The following CD96 variants were observed in gnomAD, a reference collection of about 807,000 sequenced individuals.
CD96 encodes CD96 molecule, also known as T-cell surface protein tactile.
A neutral mutation model predicts 71.3 loss-of-function variants in CD96; 70 were observed. The ratio of observed to expected loss-of-function variants is 0.98; its 90% CI spans 0.81 to 1.20. The LOEUF (loss-of-function observed/expected upper bound fraction) is 1.20. Ranked by LOEUF, CD96 falls within the 50% of genes most tolerant of loss-of-function variation. CD96 has a pLI of 0.00. For synonymous variants in CD96, 248 were observed against 233.0 expected, an observed-to-expected ratio of 1.06 and a Z score of -0.59; for missense variants, 742 against 677.5, an observed-to-expected ratio of 1.10 and a Z score of -1.06.
rs749032274 is a variant in CD96 at position 111,577,478 on chromosome 3, T to G, written c.544-1549T>G. 8 of 1,562,702 alleles carry G rather than the reference T, an allele frequency of 5.1e-6. No individual in the cohort carries two copies. The South Asian group carries it at 8.9e-5, about 17-fold the overall frequency. ...TCTCTGTAATACAGTCTTTCTCCCT[T>G]CTTCTTTTGCTCTTCTTCCTTAGGA... On this transcript the variant is annotated intron_variant, in intron 3 of 13. Coordinates refer to ENST00000352690, the MANE Select transcript of CD96 (RefSeq NM_005816.5).
At chr3:111,609,856 C>A (rs1293797821) in intron 8 of CD96, among the ~76,000 whole-genome samples, 1 of 152,084 alleles carries the variant, frequency 6.6e-6, no homozygotes, top group African/African-American at 2.4e-5. Context: ...GGTAATTTTG[C>A]CACTCCAGAG....
chr3:111,649,597 C>G (rs1939986915), intron 13 of CD96, 101 bp from the exon 14 acceptor site: 1 of 821,302 alleles, frequency 1.2e-6, no homozygotes, highest in East Asian at 2.4e-5. Context: ...TCTTTCTCAT[C>G]AATCTGTGTT....
chr3:111,636,789 T>C (rs1242299339), intron 10 of CD96, among the ~76,000 whole-genome samples: 1 of 152,208 alleles, frequency 6.6e-6, no homozygotes, highest in Admixed American at 6.5e-5. Flanking sequence ...CCCCTATGCA[T>C]GTTCTAGCAA....
chr3:111,585,418 A>G (rs1401676552), intron 5 of CD96, 40 bp downstream of exon 5: 1 of 1,292,760 alleles, frequency 7.7e-7, no homozygotes, highest in Non-Finnish European at 1.1e-6. Flanking sequence ...ACAGTATTAC[A>G]TGTAAGGTGT....
intron 11 of CD96, 142 bp from the exon 12 acceptor site, chr3:111,637,934 TTAA>T: frequency 1.5e-6 from 1 of 676,300 alleles, no homozygotes. Context: ...AAATTGGTTC[TTAA>T]TAAACTTTAC....
chr3:111,628,747 G>A (rs1266019059), intron 10 of CD96, among the ~76,000 whole-genome samples: 4 of 152,118 alleles, frequency 2.6e-5, no homozygotes, highest in Non-Finnish European at 5.9e-5. Context: ...GAAAAAAATG[G>A]TAAGGGCAGG....
chr3:111,552,434 T>C (rs1373425199), intron 2 of CD96, among the ~76,000 whole-genome samples: 2 of 152,160 alleles, frequency 1.3e-5, no homozygotes, highest in Non-Finnish European at 1.5e-5. Context: ...TCTTGGACTT[T>C]CCAGCCTCAA....
intron 14 of CD96, among the ~76,000 whole-genome samples, chr3:111,665,209 G>C (rs1314211450): frequency 6.6e-6 from 1 of 151,986 alleles, no homozygotes; most frequent in African/African-American, 2.4e-5. Context: ...GTGTGTGTGT[G>C]TCTTTTAATA....
intron 2 of CD96, among the ~76,000 whole-genome samples, chr3:111,552,803 T>C (rs1934783904): frequency 2.0e-5 from 3 of 152,148 alleles, no homozygotes; most frequent in Admixed American, 2.0e-4. Flanking sequence ...TAACTGACAA[T>C]ACTGGTACTG....
chr3:111,607,577 C>A (rs554461154), intron 8 of CD96, among the ~76,000 whole-genome samples: 35 of 152,298 alleles, frequency 2.3e-4, no homozygotes, highest in Middle Eastern at 3.4e-3. Context: ...AGAAGTATGG[C>A]TCTCATTTCT....
intron 2 of CD96, among the ~76,000 whole-genome samples, chr3:111,556,805 G>C (rs1935078193): frequency 6.6e-6 from 1 of 151,934 alleles, no homozygotes; most frequent in Non-Finnish European, 1.5e-5. Flanking sequence ...GGTGGAACTA[G>C]TTTACAGTCC....
At chr3:111,551,514 T>C (rs529057889) in intron 2 of CD96, among the ~76,000 whole-genome samples, 14 of 152,200 alleles carry the variant, frequency 9.2e-5, no homozygotes, top group Non-Finnish European at 4.4e-5. Context: ...AAAATCATTT[T>C]GAAATTTATT....
intron 7 of CD96, among the ~76,000 whole-genome samples, chr3:111,602,964 G>C (rs1319312621): frequency 6.6e-6 from 1 of 152,084 alleles, no homozygotes; most frequent in African/African-American, 2.4e-5. Flanking sequence ...GCCCTTTGAG[G>C]TGATTCCTTC....
Position 111,555,946 on chromosome 3 carries a change from C to T in CD96, c.418+10544C>T, listed in dbSNP as rs867128072. ...TCCTATATGGCTCTGAAGCTGTTTT[C>T]ATTTCTTTCAATCCTTTTTCTCCCT... is the stretch of plus-strand genomic sequence containing the variant. On this transcript the variant is annotated intron_variant, in intron 2 of 13. Transcript: ENST00000352690. 4.6e-5 allele frequency among the ~76,000 whole-genome samples: 7 copies of T among 152,410 alleles called. No individual in the cohort carries two copies. In the Middle Eastern group the frequency reaches 0.017, roughly 370 times the overall value.
At position 111,650,175 on chromosome 3, in the gene CD96, C is replaced by T. The variant is rs1219862866; in HGVS notation, c.*369C>T. On this transcript the variant is annotated 3_prime_UTR_variant, in exon 14 of 14. Transcript: ENST00000352690. ...CCCATGCCTGATCCTCTTATTTGAA[C>T]ATCTATCAACATTGTAAACTCTTTG... 2 of 252,242 alleles carry T rather than the reference C, an allele frequency of 7.9e-6. No homozygotes were observed. Among genetic ancestry groups the T allele is most frequent in the Non-Finnish European group, 1.6e-5 (2 of 125,160 alleles). The allele number at this position is 252,242 out of a possible 1,614,324, so 15.6% of individuals were successfully genotyped here. A position where few individuals can be genotyped will look rare whatever the true frequency, so the allele number is the denominator to read the frequency against.
At chr3:111,631,183 A>G (rs1366702377) in intron 10 of CD96, among the ~76,000 whole-genome samples, 1 of 152,190 alleles carries the variant, frequency 6.6e-6, no homozygotes, top group African/African-American at 2.4e-5. Flanking sequence ...GCACATTTAA[A>G]TAGGAAATAA....
chr3:111,626,068 C>T (rs528863227), intron 10 of CD96, among the ~76,000 whole-genome samples: 9 of 152,182 alleles, frequency 5.9e-5, no homozygotes, highest in Non-Finnish European at 1.3e-4. Flanking sequence ...CTTTGGGAGG[C>T]TGAGGCGGGT....
chr3:111,588,499 C>T (rs535335627), intron 5 of CD96, among the ~76,000 whole-genome samples: 1 of 152,182 alleles, frequency 6.6e-6, no homozygotes, highest in Non-Finnish European at 1.5e-5. Context: ...CAAACTGTTC[C>T]AACCTCTGCC....
At chr3:111,591,224 T>C (rs1936965623) in intron 5 of CD96, among the ~76,000 whole-genome samples, 1 of 151,870 alleles carries the variant, frequency 6.6e-6, no homozygotes, top group Non-Finnish European at 1.5e-5. Flanking sequence ...AATACAAAAA[T>C]TAGCTGGGCG....
Sources: allele counts gnomAD v4.1 joint callset (sites outside exome capture counted in the v4.1 genomes callset), GRCh38; gene constraint gnomAD v4.1.1; transcripts MANE v1.5; gene names NCBI Gene and HGNC (gene_info 2026-07-23, HGNC 2026-07-21).